Variants in FBXL18 observed in about 807,000 individuals in gnomAD.
The protein encoded by FBXL18 is F-box/LRR-repeat protein 18.
Under a neutral mutation model 46.0 loss-of-function variants are expected in FBXL18, and 36 were observed. The observed-to-expected ratio is 0.78, with a 90% CI of 0.60 to 1.03. FBXL18 has a LOEUF of 1.03. Among genes scored for constraint, FBXL18 ranks in the 50% least tolerant of loss-of-function variants. The pLI, the probability that FBXL18 is intolerant of heterozygous loss-of-function variation, is 0.00. For synonymous variants in FBXL18, 557 were observed against 465.3 expected (o/e 1.20, Z -2.54); for missense variants, 977 against 1,004.1 (o/e 0.97, Z 0.36).
chr7:5,460,655 G>A (rs1167010619), intron 4 of FBXL18, among the ~76,000 whole-genome samples: 1 of 152,152 alleles, frequency 6.6e-6, no homozygotes, highest in East Asian at 1.9e-4. Context: ...GTTTCACCAT[G>A]TTGGCCAGGC....
At chr7:5,494,064 G>C (rs953322201) in intron 3 of FBXL18, among the ~76,000 whole-genome samples, 4 of 152,014 alleles carry the variant, frequency 2.6e-5, no homozygotes, top group African/African-American at 7.2e-5. Context: ...CCTGAAATCG[G>C]GAGTTTGAGA....
chr7:5,510,702 A>AG (rs1212737691), intron 1 of FBXL18, among the ~76,000 whole-genome samples: 1 of 151,806 alleles, frequency 6.6e-6, no homozygotes, highest in African/African-American at 2.4e-5. Context: ...AAAAAAAAAA[A>AG]AAATCTAGGT....
chr7:5,506,129 G>A (rs939510681), intron 1 of FBXL18, among the ~76,000 whole-genome samples: 2 of 152,076 alleles, frequency 1.3e-5, no homozygotes, highest in African/African-American at 4.8e-5. Context: ...CTCCCAAAGG[G>A]TGTTTTGTTA....
downstream of FBXL18, among the ~76,000 whole-genome samples, chr7:5,471,506 G>C (rs1186534344): frequency 6.6e-6 from 1 of 152,140 alleles, no homozygotes; most frequent in African/African-American, 2.4e-5. Context: ...TCAATCTCCT[G>C]ACCTCGTGAT....
At chr7:5,475,351 T>C (rs926708394), downstream of FBXL18, among the ~76,000 whole-genome samples, 3 of 152,024 alleles carry the variant, frequency 2.0e-5, no homozygotes, top group Non-Finnish European at 4.4e-5. The surrounding 1 kb of genome is among the most constrained non-coding windows in gnomAD (Gnocchi z 4.2). Flanking sequence ...AAATGAACAA[T>C]GCTGAGGCTG....
chr7:5,481,766 C>T lies in FBXL18; in HGVS notation c.*9G>A. On this transcript the variant is annotated 3_prime_UTR_variant, in exon 5 of 5. Coordinates refer to ENST00000382368, the MANE Select transcript of FBXL18 (RefSeq NM_024963.6). ...GGTGACTGAGACCGATGGGCGGCGGCTCCGCCTCTCACCACCACAGGTTCG... is the reference window on the plus strand; with the variant it reads ...GGTGACTGAGACCGATGGGCGGCGGTTCCGCCTCTCACCACCACAGGTTCG... 6.2e-7 allele frequency: 1 copy of T among 1,613,126 alleles called. No homozygotes were observed. Among genetic ancestry groups the T allele is most frequent in the South Asian group, 1.1e-5 (1 of 91,062 alleles).
rs1784370128 is a variant in FBXL18, at chr7:5,505,453, T to C, written c.196A>G (p.Lys66Glu). 3.1e-6 allele frequency: 5 copies of C among 1,614,160 alleles called. No homozygotes were observed. Among genetic ancestry groups the C allele is most frequent in the Non-Finnish European group, 4.2e-6 (5 of 1,180,034 alleles). The change falls in exon 2 of 5, where the codon AAG becomes GAG. Residue 66 changes from lysine to glutamate, a missense_variant. Physicochemically the swap from Lys to Glu is moderately conservative, Grantham distance 56. Coordinates refer to ENST00000382368, the MANE Select transcript of FBXL18 (RefSeq NM_024963.6). Reference protein sequence around the residue: ...CRKLAALCLDKSLIHTVLLQK... With the variant: ...CRKLAALCLDESLIHTVLLQK... ...AGCAACACGGTGTGGATGAGGCTCT[T>C]GTCAAGGCACAGGGCTGCAAGCTTC...
chr7:5,456,250 G>C (rs1783173794), intron 4 of FBXL18, among the ~76,000 whole-genome samples: 2 of 152,216 alleles, frequency 1.3e-5, no homozygotes, highest in Non-Finnish European at 2.9e-5. Flanking sequence ...TCTCGGGACA[G>C]TGCTCCCCCT....
Position 5,501,741 on chromosome 7 carries a change from G to C in FBXL18, c.528C>G (p.Leu176=), listed in dbSNP as rs1206771331. 2.6e-6 allele frequency: 4 copies of C among 1,566,596 alleles called. No homozygotes were observed. The African/African-American group carries it at 5.4e-5, about 21-fold the overall frequency. ...CKATLSRVRE[L]KQTLFTPSYG... ...AGGAGGGAGTGAACAGCGTCTGCTT[G>C]AGCTCCCGCACGCGGCTCAGGGTGG... Residue 176 remains leucine, a synonymous_variant, in exon 3 of 5, where the codon CTC becomes CTG. Coordinates refer to ENST00000382368, the MANE Select transcript of FBXL18 (RefSeq NM_024963.6).
At chr7:5,463,768 T>G (rs1783300696) in intron 4 of FBXL18, among the ~76,000 whole-genome samples, 1 of 133,666 alleles carries the variant, frequency 7.5e-6, no homozygotes, top group African/African-American at 2.8e-5. Context: ...TGAGACGGAG[T>G]CTCGCTCTGT....
chr7:5,512,677 A>AC (rs1784571068), intron 1 of FBXL18, among the ~76,000 whole-genome samples: 1 of 151,814 alleles, frequency 6.6e-6, no homozygotes, highest in African/African-American at 2.4e-5. Flanking sequence ...AGGTACCAGG[A>AC]CCCCCCTTCT....
chr7:5,468,122 AC>A (rs1783370923), intron 4 of FBXL18, among the ~76,000 whole-genome samples: 1 of 151,962 alleles, frequency 6.6e-6, no homozygotes, highest in South Asian at 2.1e-4. Flanking sequence ...AGCTGGGACT[AC>A]AGGCGCCCGC....
intron 4 of FBXL18, chr7:5,490,336 G>C (rs147292968): frequency 2.8e-6 from 3 of 1,060,066 alleles, no homozygotes; most frequent in Non-Finnish European, 3.5e-6. Context: ...CTTGAAATGC[G>C]TCACTCCCCA....
chr7:5,465,790 T>C (rs917232870), intron 4 of FBXL18, among the ~76,000 whole-genome samples: 7 of 151,652 alleles, frequency 4.6e-5, no homozygotes, highest in African/African-American at 1.2e-4. Flanking sequence ...AATACACCCA[T>C]GTACAAAAGC....
intron 4 of FBXL18, among the ~76,000 whole-genome samples, chr7:5,483,452 A>G (rs899561418): frequency 6.8e-6 from 1 of 146,644 alleles, no homozygotes; most frequent in African/African-American, 2.5e-5. Context: ...AAAAAAGAAA[A>G]AAAAAATCGA....
intron 4 of FBXL18, among the ~76,000 whole-genome samples, chr7:5,487,913 C>T (rs1238841376): frequency 1.3e-5 from 2 of 152,256 alleles, no homozygotes; most frequent in Non-Finnish European, 2.9e-5. Context: ...GGGATGGGCA[C>T]GGCTTCTGCC....
At chr7:5,512,649 T>G (rs1784570432) in intron 1 of FBXL18, among the ~76,000 whole-genome samples, 1 of 152,140 alleles carries the variant, frequency 6.6e-6, no homozygotes, top group Non-Finnish European at 1.5e-5. Context: ...GGCTTTAAGC[T>G]GTAATTCTGT....
intron 4 of FBXL18, among the ~76,000 whole-genome samples, chr7:5,469,556 G>T (rs1353656975): frequency 2.0e-5 from 3 of 151,654 alleles, no homozygotes; most frequent in Admixed American, 1.3e-4. Context: ...GTGTGTGTGG[G>T]GGGGGTGTAC....
Position 5,481,719 on chromosome 7 carries a change from C to G in FBXL18, c.*56G>C. On this transcript the variant is annotated 3_prime_UTR_variant, in exon 5 of 5. Coordinates refer to ENST00000382368, the MANE Select transcript of FBXL18 (RefSeq NM_024963.6). ...TGACAAACCAAGGGTCCCTGGCGTC[C>G]CAGGCTCCTGCAGCTTCTCGAGGTG... 2.5e-6 allele frequency: 4 copies of G among 1,589,986 alleles called. No individual in the cohort carries two copies. Among genetic ancestry groups the G allele is most frequent in the East Asian group, 4.5e-5 (2 of 44,712 alleles).
Sources: gnomAD v4.1 joint callset for allele counts (sites outside exome capture counted in the v4.1 genomes callset) on GRCh38, gnomAD v4.1.1 for gene constraint, Gnocchi (gnomAD v3.1) non-coding constraint, MANE v1.5 for transcripts, NCBI Gene and HGNC (gene_info 2026-07-23, HGNC 2026-07-21) for gene names.